Variants in MARCHF1 observed in about 807,000 individuals in gnomAD.
MARCHF1 encodes E3 ubiquitin-protein ligase MARCHF1.
Under a neutral mutation model 54.2 loss-of-function variants are expected in MARCHF1, and 40 were observed. The observed-to-expected ratio is 0.74, with a 90% CI of 0.57 to 0.96. The LOEUF (loss-of-function observed/expected upper bound fraction) is 0.96, where lower values mean the gene tolerates loss of function less well. Among genes scored for constraint, MARCHF1 ranks in the 40% least tolerant of loss-of-function variants. MARCHF1 has a pLI of 0.00. For synonymous variants in MARCHF1, 236 were observed against 236.3 expected (o/e 1.00, Z 0.01); for missense variants, 586 against 656.5 (o/e 0.89, Z 1.17).
chr4:163,546,148 A>G (rs1405344326), intron 8 of MARCHF1, among the ~76,000 whole-genome samples: 2 of 151,782 alleles, frequency 1.3e-5, no homozygotes, highest in Non-Finnish European at 2.9e-5. Flanking sequence ...TAATTTTTTT[A>G]TGTATTTGTA....
At chr4:164,064,443 T>C (rs1754685638) in intron 2 of MARCHF1, among the ~76,000 whole-genome samples, 1 of 152,234 alleles carries the variant, frequency 6.6e-6, no homozygotes, top group Non-Finnish European at 1.5e-5. Context: ...CTGATTTGGC[T>C]CTTGGCTTGA....
chr4:163,594,000 A>G (rs2110858210), intron 7 of MARCHF1, among the ~76,000 whole-genome samples: 1 of 152,334 alleles, frequency 6.6e-6, no homozygotes, highest in South Asian at 2.1e-4. Context: ...AGAAGTTTAT[A>G]TTGACAGTTT....
intron 1 of MARCHF1, among the ~76,000 whole-genome samples, chr4:164,277,393 CA>C (rs1733915206): frequency 6.6e-6 from 1 of 152,362 alleles, no homozygotes; most frequent in African/African-American, 2.4e-5. Context: ...AGAAATTCTA[CA>C]ATATAAGTTC....
chr4:163,806,297 T>C lies in MARCHF1; in HGVS notation c.111+47724A>G, dbSNP rs182495800. On this transcript the variant is annotated intron_variant, in intron 4 of 9. Transcript: ENST00000514618. ...GGGTAAGAGGGACTAATGGGAGGAA[T>C]GGGAGCATGATTAGGAACCCTCATA... Among the ~76,000 whole-genome samples, 14 of 152,302 alleles carry C rather than the reference T, an allele frequency of 9.2e-5. No individual in the cohort carries two copies. In the East Asian group the frequency reaches 1.9e-3, roughly 21 times the overall value.
chr4:164,042,970 C>T (rs1186786046), intron 2 of MARCHF1, among the ~76,000 whole-genome samples: 3 of 152,182 alleles, frequency 2.0e-5, no homozygotes, highest in Non-Finnish European at 2.9e-5. Flanking sequence ...CATGCTAATG[C>T]AAGGAGGGGG....
chr4:163,676,134 G>A (rs1743904792), intron 5 of MARCHF1, among the ~76,000 whole-genome samples: 2 of 148,808 alleles, frequency 1.3e-5, no homozygotes, highest in South Asian at 4.3e-4. Context: ...CCTGAGGTCA[G>A]GAGTTCTACA....
At chr4:164,348,093 G>A (rs1172763267) in intron 1 of MARCHF1, among the ~76,000 whole-genome samples, 1 of 152,046 alleles carries the variant, frequency 6.6e-6, no homozygotes, top group Non-Finnish European at 1.5e-5. Flanking sequence ...GTGGCAATCT[G>A]ACATTTTTGC....
chr4:164,281,989 T>A (rs868212650), intron 1 of MARCHF1, among the ~76,000 whole-genome samples: 3 of 151,472 alleles, frequency 2.0e-5, no homozygotes, highest in Middle Eastern at 3.4e-3. Context: ...CCAAATGTCA[T>A]GTTTAGGCTT....
chr4:163,554,139 A>G (rs779992031), intron 8 of MARCHF1, among the ~76,000 whole-genome samples: 4 of 152,208 alleles, frequency 2.6e-5, no homozygotes, highest in Non-Finnish European at 5.9e-5. Context: ...GGAAAATGCA[A>G]CTTATAAATC....
intron 8 of MARCHF1, 64 bp downstream of exon 8, chr4:163,585,685 G>C (rs1288698588): frequency 7.7e-7 from 1 of 1,303,944 alleles, no homozygotes; most frequent in Non-Finnish European, 1.0e-6. Flanking sequence ...AAAGGAAATA[G>C]ATTTCTAAAA....
intron 1 of MARCHF1, among the ~76,000 whole-genome samples, chr4:164,144,157 C>T (rs1729597775): frequency 6.6e-6 from 1 of 150,762 alleles, no homozygotes; most frequent in Non-Finnish European, 1.5e-5. Flanking sequence ...ACAGGAGCAC[C>T]CAGATTCATA....
At chr4:164,234,489 C>T (rs1196364991) in intron 1 of MARCHF1, among the ~76,000 whole-genome samples, 1 of 152,016 alleles carries the variant, frequency 6.6e-6, no homozygotes, top group Non-Finnish European at 1.5e-5. Context: ...ATTGACACTC[C>T]TATGATAGAA....
chr4:164,282,599 C>T (rs1271570553), intron 1 of MARCHF1, among the ~76,000 whole-genome samples: 1 of 151,206 alleles, frequency 6.6e-6, no homozygotes, highest in African/African-American at 2.4e-5. Context: ...TCCCTTGCCC[C>T]TATTTCACTC....
intron 1 of MARCHF1, chr4:164,197,758 A>G: frequency 1.2e-6 from 2 of 1,610,350 alleles, no homozygotes; most frequent in South Asian, 1.1e-5. Context: ...GCCGAATTCA[A>G]TCAATAAACC....
intron 1 of MARCHF1, among the ~76,000 whole-genome samples, chr4:164,223,367 A>G (rs1732165105): frequency 1.3e-5 from 2 of 152,016 alleles, no homozygotes; most frequent in South Asian, 4.1e-4. Context: ...GCAAATATAT[A>G]TATATGGTGA....
intron 8 of MARCHF1, among the ~76,000 whole-genome samples, chr4:163,578,041 G>A (rs372140333): frequency 6.6e-6 from 1 of 151,736 alleles, no homozygotes; most frequent in Admixed American, 6.6e-5. Flanking sequence ...GTGTGTGTAT[G>A]CTTCTGACTT....
At chr4:164,231,079 T>G (rs973396597) in intron 1 of MARCHF1, among the ~76,000 whole-genome samples, 5 of 152,156 alleles carry the variant, frequency 3.3e-5, no homozygotes, top group Non-Finnish European at 5.9e-5. Context: ...GGTCCAGGAC[T>G]TAAAGTGAGG....
chr4:164,101,948 C>G (rs1195567395), intron 2 of MARCHF1, among the ~76,000 whole-genome samples: 1 of 146,294 alleles, frequency 6.8e-6, no homozygotes, highest in Non-Finnish European at 1.5e-5. Context: ...AACCAAGGCT[C>G]GAGAACTACG....
At chr4:163,701,033 A>G (rs976527948) in intron 4 of MARCHF1, among the ~76,000 whole-genome samples, 170 bp from the exon 5 acceptor site, 12 of 152,188 alleles carry the variant, frequency 7.9e-5, no homozygotes, top group African/African-American at 2.9e-4. Flanking sequence ...CTTTTATGAA[A>G]TCATATTTCT....
Sources: allele counts gnomAD v4.1 joint callset (sites outside exome capture counted in the v4.1 genomes callset), GRCh38; gene constraint gnomAD v4.1.1; transcripts MANE v1.5; gene names NCBI Gene and HGNC (gene_info 2026-07-23, HGNC 2026-07-21).